MTO1: variants seen among roughly 807,000 people sequenced by gnomAD.
MTO1 encodes 5-taurinomethyluridine-[tRNA] synthase subunit MTO1, mitochondrial.
In MTO1, 46 loss-of-function variants were observed where a neutral mutation model predicts 71.6. The ratio of observed to expected loss-of-function variants is 0.64; its 90% confidence interval spans 0.51 to 0.82. The LOEUF (loss-of-function observed/expected upper bound fraction) is 0.82, where lower values mean the gene tolerates loss of function less well. Among genes scored for constraint, MTO1 ranks in the 40% least tolerant of loss-of-function variants. MTO1 has a pLI of 0.00. For missense variants in MTO1, 773 were observed against 867.5 expected (o/e 0.89, Z 1.37); for synonymous variants, 297 against 312.1 (o/e 0.95, Z 0.51).
At chr6:73,498,001 A>G in intron 11 of MTO1, 105 bp downstream of exon 11, 1 of 1,035,400 alleles carries the variant, frequency 9.7e-7, no homozygotes, top group Middle Eastern at 2.8e-4. Context: ...TGTTTTATTT[A>G]GTAATAAGAA....
At chr6:73,492,529 G>A (rs1176038806) in intron 10 of MTO1, among the ~76,000 whole-genome samples, 177 bp downstream of exon 10, 1 of 152,104 alleles carries the variant, frequency 6.6e-6, no homozygotes, top group Non-Finnish European at 1.5e-5. Flanking sequence ...CAGAATCTTG[G>A]CTGGGCACAG....
At chr6:73,476,823 C>T (rs1258673755) in intron 4 of MTO1, among the ~76,000 whole-genome samples, 1 of 150,380 alleles carries the variant, frequency 6.6e-6, no homozygotes, top group African/African-American at 2.5e-5. Context: ...GAGCCTCACA[C>T]TATCCCCCAG....
At chr6:73,466,977 A>G (rs964522680) in intron 3 of MTO1, among the ~76,000 whole-genome samples, 2 of 151,882 alleles carry the variant, frequency 1.3e-5, no homozygotes, top group Non-Finnish European at 2.9e-5. Flanking sequence ...AGAGTTATGT[A>G]TGTTTTTTAT....
intron 4 of MTO1, 61 bp downstream of exon 4, chr6:73,473,715 C>T: frequency 1.8e-6 from 2 of 1,110,450 alleles, no homozygotes; most frequent in Middle Eastern, 2.7e-4. Context: ...GCAGGAAGTA[C>T]TGTAACTTTT....
chr6:73,471,355 A>G, intron 3 of MTO1: 1 of 384,220 alleles, frequency 2.6e-6, no homozygotes. Context: ...GACTTTCTTT[A>G]TTTTCCAGAT....
chr6:73,480,894 C>A, intron 7 of MTO1, 89 bp downstream of exon 7: 1 of 1,299,292 alleles, frequency 7.7e-7, no homozygotes, highest in Non-Finnish European at 1.0e-6. Flanking sequence ...CTATGTAGAT[C>A]TTAGATACAA....
intron 3 of MTO1, among the ~76,000 whole-genome samples, chr6:73,470,449 G>A (rs1346985923): frequency 6.6e-6 from 1 of 151,982 alleles, no homozygotes; most frequent in Non-Finnish European, 1.5e-5. Context: ...CTTGTGGTCC[G>A]CCCACCTCGG....
chr6:73,466,250 G>A lies in MTO1; in HGVS notation c.259G>A (p.Gly87Arg). ...CNPSFGGIGK[G>R]HLMREVDALD... ...TCCTTCCTTTGGTGGCATCGGAAAG[G>A]GACATTTAATGAGGGAAGTAGATGC... Residue 87 changes from glycine (G) to arginine (R), a missense_variant, in exon 2 of 12, where the codon GGA becomes AGA. Gly to Arg is a moderately radical substitution (Grantham distance 125). Transcript: ENST00000498286. 1 of 1,614,038 alleles carries A rather than the reference G, an allele frequency of 6.2e-7. No individual in the cohort carries two copies. The highest frequency in any genetic ancestry group is 8.5e-7 in the Non-Finnish European group (1 of 1,179,938).
rs570102391 is a variant in MTO1 at position 73,481,495 on chromosome 6, G to T, written c.1261-545G>T. On this transcript the variant is annotated intron_variant, in intron 7 of 11. Coordinates refer to ENST00000498286, the MANE Select transcript of MTO1 (RefSeq NM_012123.4). ...AAAAAAAGATTAACCGGCTGGGCAT[G>T]GTGCGTCACACCTGTAATCCCAGCA... is the stretch of plus-strand genomic sequence containing the variant. Among the ~76,000 whole-genome samples, 6 of 152,220 alleles carry T rather than the reference G, an allele frequency of 3.9e-5. No individual in the cohort carries two copies. In the South Asian group the frequency reaches 1.2e-3, roughly 32 times the overall value.
intron 9 of MTO1, chr6:73,486,719 CA>C: frequency 3.5e-6 from 1 of 285,772 alleles, no homozygotes; most frequent in Non-Finnish European, 7.1e-6. Flanking sequence ...ACCTGAGGGA[CA>C]AGAGTGAGAC....
At chr6:73,483,053 A>G (rs913385922) in intron 9 of MTO1, among the ~76,000 whole-genome samples, 1 of 151,672 alleles carries the variant, frequency 6.6e-6, no homozygotes, top group East Asian at 1.9e-4. Flanking sequence ...CGGCCTCCCA[A>G]AGTGCTGGGA....
At chr6:73,480,984 T>G (rs1415853102) in intron 7 of MTO1, 179 bp downstream of exon 7, 3 of 646,382 alleles carry the variant, frequency 4.6e-6, no homozygotes, top group Non-Finnish European at 7.4e-6. Context: ...TTTTTTTTTT[T>G]TTTTTTTTTG....
At chr6:73,490,407 G>GT (rs1456277176) in intron 9 of MTO1, among the ~76,000 whole-genome samples, 4 of 152,012 alleles carry the variant, frequency 2.6e-5, no homozygotes, top group African/African-American at 4.8e-5. Flanking sequence ...TTCTTCTAGG[G>GT]TTTTTTATGG....
At chr6:73,465,166 CTTTTCTTTTTTT>C (rs1333496433) in intron 1 of MTO1, among the ~76,000 whole-genome samples, 1 of 151,086 alleles carries the variant, frequency 6.6e-6, no homozygotes, top group Non-Finnish European at 1.5e-5. Context: ...TTTCTTTTTT[CTTTTCTTTTTTT>C]TTTTGAGATG....
chr6:73,500,735 G>A lies in MTO1; in HGVS notation c.2079G>A (p.Ter693=). 2 of 1,568,668 alleles carry A rather than the reference G, an allele frequency of 1.3e-6. No individual in the cohort carries two copies. The highest frequency in any genetic ancestry group is 1.2e-5 in the South Asian group (1 of 83,080). Reference sequence around the variant, plus strand: ...ACAGACTTCAAGAGAGAGAGTTATAGCTTTCAATTCATAAAAGATTTTTAA... The same window carrying A: ...ACAGACTTCAAGAGAGAGAGTTATAACTTTCAATTCATAAAAGATTTTTAA... ...DADRLQEREL[*] Residue 693 remains the stop codon, a stop_retained_variant, in exon 12 of 12, where the codon TAG becomes TAA. Coordinates refer to ENST00000498286, the MANE Select transcript of MTO1 (RefSeq NM_012123.4).
At chr6:73,478,430 T>C (rs548915546) in intron 4 of MTO1, among the ~76,000 whole-genome samples, 4 of 151,974 alleles carry the variant, frequency 2.6e-5, no homozygotes, top group Admixed American at 6.6e-5. Context: ...AAAAAAATAA[T>C]TGATGGTCCT....
rs398001972 is a variant in MTO1 at position 73,480,969 on chromosome 6, GTTTTTT to G, written c.1260+183_1260+188del. Reference sequence around the variant, plus strand: ...GGAGATGGCTTTTGTAGATAATAGGGTTTTTTTTTTTTTTTTTTTTTTTTGAGACAG... The same window carrying G: ...GGAGATGGCTTTTGTAGATAATAGGGTTTTTTTTTTTTTTTTTTGAGACAG... On this transcript the variant is annotated intron_variant, in intron 7 of 11. Coordinates refer to ENST00000498286, the MANE Select transcript of MTO1 (RefSeq NM_012123.4). 3,800 of 231,314 alleles carry G rather than the reference GTTTTTT, an allele frequency of 0.016. 1 individual carries two copies. Among genetic ancestry groups the G allele is most frequent in the East Asian group, 0.027 (203 of 7,570 alleles). 14.3% of individuals were successfully genotyped at this position (231,314 alleles called of 1,614,324 possible). A position where few individuals can be genotyped will look rare whatever the true frequency, so the allele number is the denominator to read the frequency against.
chr6:73,475,589 A>G (rs888281337), intron 4 of MTO1, among the ~76,000 whole-genome samples: 2 of 150,054 alleles, frequency 1.3e-5, no homozygotes, highest in African/African-American at 4.9e-5. Context: ...ATCTCGGCTC[A>G]CTGCAACATC....
intron 1 of MTO1, among the ~76,000 whole-genome samples, chr6:73,465,168 TTTC>T (rs1770947276): frequency 6.6e-6 from 1 of 152,012 alleles, no homozygotes; most frequent in South Asian, 2.1e-4. Context: ...TCTTTTTTCT[TTTC>T]TTTTTTTTTT....
Sources: gnomAD v4.1 joint callset for allele counts (sites outside exome capture counted in the v4.1 genomes callset) on GRCh38, gnomAD v4.1.1 for gene constraint, MANE v1.5 for transcripts, NCBI Gene and HGNC (gene_info 2026-07-23, HGNC 2026-07-21) for gene names.